SCN8A: variants seen among roughly 807,000 people sequenced by gnomAD.
SCN8A encodes sodium voltage-gated channel alpha subunit 8.
In SCN8A, 30 loss-of-function variants were observed where a neutral mutation model predicts 184.1. The observed-to-expected ratio is 0.16, with a 90% CI of 0.12 to 0.22. The LOEUF is 0.22. Among genes scored for constraint, SCN8A ranks in the 10% least tolerant of loss-of-function variants. The pLI is 1.00. For synonymous variants in SCN8A, 852 were observed against 907.0 expected (o/e 0.94, Z 1.09); for missense variants, 1,057 against 2,498.9 (o/e 0.42, Z 12.30).
At chr12:51,773,233 C>G (rs2138876964) in intron 19 of SCN8A, among the ~76,000 whole-genome samples, 2 of 152,328 alleles carry the variant, frequency 1.3e-5, no homozygotes, top group Middle Eastern at 6.8e-3. Context: ...GCAAGCACTT[C>G]CCATTGTATC....
intron 1 of SCN8A, among the ~76,000 whole-genome samples, chr12:51,650,433 A>G (rs1490525965): frequency 6.6e-6 from 1 of 152,130 alleles, no homozygotes; most frequent in African/African-American, 2.4e-5. Flanking sequence ...GGGAAGAAAA[A>G]GAGGTTTAAT....
chr12:51,606,436 C>G (rs900246203), intron 1 of SCN8A, among the ~76,000 whole-genome samples: 2 of 152,158 alleles, frequency 1.3e-5, no homozygotes. Context: ...TATTCTGTTC[C>G]GTTGGTCTAT....
intron 1 of SCN8A, among the ~76,000 whole-genome samples, chr12:51,623,609 ATT>A (rs1351778769): frequency 4.8e-4 from 73 of 151,988 alleles, no homozygotes; most frequent in Non-Finnish European, 1.0e-4. Context: ...TCAAAACACT[ATT>A]TTCTTTTTTT....
intron 21 of SCN8A, among the ~76,000 whole-genome samples, chr12:51,782,837 G>A (rs1937965021): frequency 6.6e-6 from 1 of 152,134 alleles, no homozygotes; most frequent in Admixed American, 6.5e-5. Flanking sequence ...TGGACCCTCA[G>A]TTTCCAGTCC....
rs151048261 is a variant in SCN8A at position 51,751,180 on chromosome 12, G to A, written c.2132-175G>A. On this transcript the variant is annotated intron_variant, in intron 13 of 26. Transcript: ENST00000627620. ...ATCATTATTAACAGGGAGGCAACTT[G>A]TGTGGATCATGCTTCCTCTCTACCT... Among the ~76,000 whole-genome samples, 85 of 152,314 alleles carry A rather than the reference G, an allele frequency of 5.6e-4. 1 individual carries two copies. The highest frequency in any genetic ancestry group is 2.0e-3 in the African/African-American group (82 of 41,560).
intron 15 of SCN8A, 143 bp from the exon 16 acceptor site, chr12:51,765,528 T>A (rs1592149608): frequency 5.1e-6 from 3 of 592,276 alleles, no homozygotes; most frequent in East Asian, 2.8e-5. Flanking sequence ...TCTGAGACAC[T>A]GTTAGACAGT....
intron 7 of SCN8A, 36 bp downstream of exon 7, chr12:51,699,827 A>C: frequency 6.5e-7 from 1 of 1,540,346 alleles, no homozygotes; most frequent in South Asian, 1.2e-5. Context: ...GAATAGGAAA[A>C]GTCTATTCCT....
intron 2 of SCN8A, among the ~76,000 whole-genome samples, chr12:51,681,839 A>G (rs1053977326): frequency 2.6e-5 from 4 of 152,150 alleles, no homozygotes; most frequent in African/African-American, 9.7e-5. Context: ...AAACATCACT[A>G]ATACTGTGCA....
chr12:51,728,731 C>CAA (rs10560307), intron 12 of SCN8A, among the ~76,000 whole-genome samples: 61 of 140,496 alleles, frequency 4.3e-4, no homozygotes, highest in African/African-American at 1.5e-3. Flanking sequence ...CCCTGTTTCC[C>CAA]AAAAAAAAAA....
chr12:51,757,243 G>A (rs1451967465), intron 14 of SCN8A, among the ~76,000 whole-genome samples: 1 of 152,146 alleles, frequency 6.6e-6, no homozygotes, highest in East Asian at 1.9e-4. Flanking sequence ...GTGAAAAGTG[G>A]CAAACCAGGA....
At chr12:51,734,718 CCTT>C (rs1235166035) in intron 12 of SCN8A, among the ~76,000 whole-genome samples, 4 of 152,206 alleles carry the variant, frequency 2.6e-5, no homozygotes, top group African/African-American at 7.2e-5. Flanking sequence ...AACGTGTCTC[CCTT>C]CTTTGATTTG....
intron 26 of SCN8A, among the ~76,000 whole-genome samples, chr12:51,798,968 A>T (rs771078853): frequency 3.9e-5 from 6 of 152,216 alleles, no homozygotes; most frequent in Non-Finnish European, 8.8e-5. Context: ...AGCCAGGTGC[A>T]CTGCTCGAAG....
At chr12:51,601,764 C>T (rs947061973) in intron 1 of SCN8A, among the ~76,000 whole-genome samples, 1 of 151,762 alleles carries the variant, frequency 6.6e-6, no homozygotes, top group Non-Finnish European at 1.5e-5. Flanking sequence ...AGTGGTGAGG[C>T]TCAGCAGTCA....
intron 26 of SCN8A, among the ~76,000 whole-genome samples, chr12:51,798,549 C>T (rs1375155495): frequency 6.6e-6 from 1 of 152,196 alleles, no homozygotes; most frequent in African/African-American, 2.4e-5. Flanking sequence ...GGACACTCAG[C>T]AGTGGCCACA....
chr12:51,591,261 C>T lies in SCN8A; in HGVS notation c.-153C>T, dbSNP rs1421154272. ...GAGCGCTCCAAGATGGCGCCCACCGCAGTCCCGCCCGCCGCATCCTCGGCG... is the reference window on the plus strand; with the variant it reads ...GAGCGCTCCAAGATGGCGCCCACCGTAGTCCCGCCCGCCGCATCCTCGGCG... On this transcript the variant is annotated 5_prime_UTR_variant, in exon 1 of 27. Transcript: ENST00000627620. 6.6e-6 allele frequency: 1 copy of T among 152,576 alleles called. No individual in the cohort carries two copies. Among genetic ancestry groups the T allele is most frequent in the Admixed American group, 6.6e-5 (1 of 15,252 alleles). The allele number at this position is 152,576 out of a possible 1,614,324, so 9.5% of individuals were successfully genotyped here.
At chr12:51,596,328 G>T (rs1015146711) in intron 1 of SCN8A, among the ~76,000 whole-genome samples, 6 of 152,176 alleles carry the variant, frequency 3.9e-5, no homozygotes, top group African/African-American at 1.4e-4. Context: ...TGAGAAGGAG[G>T]TAAAGCAAAT....
intron 1 of SCN8A, among the ~76,000 whole-genome samples, chr12:51,598,978 G>A (rs1420257035): frequency 2.6e-5 from 4 of 152,084 alleles, no homozygotes; most frequent in Admixed American, 1.3e-4. Context: ...CTTATTTAAT[G>A]TGCAAGTTAG....
intron 2 of SCN8A, among the ~76,000 whole-genome samples, chr12:51,677,816 C>T (rs536450737): frequency 2.5e-4 from 38 of 152,326 alleles, no homozygotes; most frequent in Non-Finnish European, 4.4e-4. Flanking sequence ...CATTCAGTGG[C>T]TGTTGTTGTA....
intron 1 of SCN8A, among the ~76,000 whole-genome samples, chr12:51,604,091 T>G (rs991890721): frequency 6.6e-6 from 1 of 152,194 alleles, no homozygotes; most frequent in Non-Finnish European, 1.5e-5. Flanking sequence ...TTGTCAATTT[T>G]TTTCATTTAT....
Sources: gnomAD v4.1 joint callset for allele counts (sites outside exome capture counted in the v4.1 genomes callset) on GRCh38, gnomAD v4.1.1 for gene constraint, MANE v1.5 for transcripts, NCBI Gene and HGNC (gene_info 2026-07-23, HGNC 2026-07-21) for gene names.